Variants in CYP24A1 observed in about 807,000 individuals in gnomAD.
The protein encoded by CYP24A1 is cytochrome P450 family 24 subfamily A member 1, also known as 1,25-dihydroxyvitamin D(3) 24-hydroxylase, mitochondrial.
In CYP24A1, 68 loss-of-function variants were observed where a neutral mutation model predicts 62.4. The ratio of observed to expected loss-of-function variants is 1.09; its 90% CI spans 0.90 to 1.33. CYP24A1 has a LOEUF of 1.33. CYP24A1 is among the 40% of genes most tolerant of loss of function. CYP24A1 has a pLI of 0.00. For synonymous variants in CYP24A1, 267 were observed against 253.0 expected (o/e 1.06, Z -0.52); for missense variants, 787 against 653.0 (o/e 1.21, Z -2.24).
intron 8 of CYP24A1, 97 bp downstream of exon 8, chr20:54,158,860 G>T (rs1300011250): frequency 6.3e-7 from 1 of 1,597,390 alleles, no homozygotes; most frequent in Non-Finnish European, 8.5e-7. Flanking sequence ...TTTCTAATTA[G>T]CTAGGGGAAG....
Position 54,162,220 on chromosome 20 carries a change from C to CTTTTTTTTTTT in CYP24A1, c.990+486_990+496dup, listed in dbSNP as rs530338632. 8.3e-5 allele frequency among the ~76,000 whole-genome samples: 6 copies of CTTTTTTTTTTT among 72,532 alleles called. 1 individual carries two copies. Among genetic ancestry groups the CTTTTTTTTTTT allele is most frequent in the African/African-American group, 3.8e-4 (6 of 15,854 alleles). The allele number at this position is 72,532 out of a possible 152,430, so 47.6% of individuals were successfully genotyped here. The stretch of plus-strand genomic sequence containing the variant: ...ATTATTGGCTTGAAAGAGAGTATGC[C>CTTTTTTTTTTT]TTTTTTTTTTTTTTTTTTTTTTTTT... On this transcript the variant is annotated intron_variant, in intron 7 of 11. Coordinates refer to ENST00000216862, the MANE Select transcript of CYP24A1 (RefSeq NM_000782.5).
At position 54,173,464 on chromosome 20, in the gene CYP24A1, C is replaced by A; in HGVS notation, c.116G>T (p.Arg39Leu). Residue 39 changes from arginine to leucine, a missense_variant, in exon 1 of 12, where the codon CGA becomes CTA. Coordinates refer to ENST00000216862, the MANE Select transcript of CYP24A1 (RefSeq NM_000782.5). The surrounding 1 kb of genome is among the most constrained non-coding windows in gnomAD (Gnocchi z 7.2). Reference sequence around the variant, plus strand: ...TGTCAGCGGGCAGACTGGCACCTCTCGCGGCTGAGGGGACGTGTACGCCGT... The same window carrying A: ...TGTCAGCGGGCAGACTGGCACCTCTAGCGGCTGAGGGGACGTGTACGCCGT... ...TSTAYTSPQP[R>L]EVPVCPLTAG... The A allele has an allele frequency of 1.9e-6, 3 of 1,566,868 alleles. No homozygotes were observed. Among genetic ancestry groups the A allele is most frequent in the South Asian group, 1.2e-5 (1 of 85,480 alleles).
At chr20:54,151,837 T>C (rs938204669), downstream of CYP24A1, among the ~76,000 whole-genome samples, 31 of 152,190 alleles carry the variant, frequency 2.0e-4, no homozygotes, top group Admixed American at 1.8e-3. Context: ...CTAACTGTGA[T>C]TCTAAGGAGA....
chr20:54,144,292 C>T, the CYP24A1 span, among the ~76,000 whole-genome samples: 1,644 of 151,824 alleles, frequency 0.011, 33 homozygotes, highest in African/African-American at 0.037. Flanking sequence ...CTCACTGTAG[C>T]CTCAAACTCC....
At chr20:54,162,478 C>A in intron 7 of CYP24A1, 1 of 281,972 alleles carries the variant, frequency 3.5e-6, no homozygotes, top group Non-Finnish European at 6.1e-6. Flanking sequence ...AGAGTTTAAG[C>A]ACAGAAGCCC....
In CYP24A1 at chr20:54,173,290, GGA is replaced by G. The variant is rs1183189130; in HGVS notation, c.258+30_258+31del. ...CGCCACTGGGAGGGCGGAAGAGGGAGGAGAGAGTCAGGGGCGCGAAAAGGGGT... is the reference window on the plus strand; with the variant it reads ...CGCCACTGGGAGGGCGGAAGAGGGAGGAGAGTCAGGGGCGCGAAAAGGGGT... On this transcript the variant is annotated intron_variant, in intron 1 of 11. Transcript: ENST00000216862. This position sits in a 1 kb window ranked among gnomAD's most constrained non-coding sequence, Gnocchi z 7.2. 3 of 1,593,116 alleles carry G rather than the reference GGA, an allele frequency of 1.9e-6. No homozygotes were observed. The African/African-American group carries it at 4.0e-5, about 21-fold the overall frequency.
Position 54,153,516 on chromosome 20 carries a change from G to C in CYP24A1, c.*1256C>G, listed in dbSNP as rs111801935. 2.5e-4 allele frequency: 10 copies of C among 40,554 alleles called. No individual in the cohort carries two copies. The highest frequency in any genetic ancestry group is 8.1e-5 in the Non-Finnish European group (2 of 24,788). 2.5% of individuals were successfully genotyped at this position (40,554 alleles called of 1,614,324 possible). On this transcript the variant is annotated 3_prime_UTR_variant, in exon 12 of 12. Coordinates refer to ENST00000216862, the MANE Select transcript of CYP24A1 (RefSeq NM_000782.5). ...GTATACAGATGAAATCTGACAAGAC[G>C]TGAATTTATAATTCTAAAAATAATT...
intron 7 of CYP24A1, among the ~76,000 whole-genome samples, chr20:54,160,755 C>T (rs113157300): frequency 0.011 from 1,692 of 152,280 alleles, 31 homozygotes; most frequent in African/African-American, 0.038. Context: ...AGTCCCTCAC[C>T]GCAAGTACCA....
chr20:54,158,846 A>G, intron 8 of CYP24A1, 111 bp downstream of exon 8: 1 of 1,573,820 alleles, frequency 6.4e-7, no homozygotes. Flanking sequence ...CAGTGTGATA[A>G]TTGTTTCTAA....
chr20:54,146,701 C>T, the CYP24A1 span, among the ~76,000 whole-genome samples: 1 of 152,104 alleles, frequency 6.6e-6, no homozygotes, highest in Non-Finnish European at 1.5e-5. Flanking sequence ...ATATTGCACA[C>T]CCAGTTTTAT....
downstream of CYP24A1, among the ~76,000 whole-genome samples, chr20:54,148,867 G>A (rs924956252): frequency 4.6e-5 from 7 of 152,130 alleles, no homozygotes; most frequent in African/African-American, 1.7e-4. Flanking sequence ...AGCACTTTGG[G>A]AGGCCGATGT....
At chr20:54,149,589 G>C (rs1168041729), downstream of CYP24A1, among the ~76,000 whole-genome samples, 1 of 152,168 alleles carries the variant, frequency 6.6e-6, no homozygotes, top group Non-Finnish European at 1.5e-5. Context: ...ATTCCTCAAC[G>C]TTTGTAGCAG....
chr20:54,162,018 T>C (rs2146477771), intron 7 of CYP24A1, among the ~76,000 whole-genome samples: 1 of 152,312 alleles, frequency 6.6e-6, no homozygotes, highest in Admixed American at 6.5e-5. Context: ...CCTACCTGAA[T>C]GCCTATGGCA....
chr20:54,173,071 A>G lies in CYP24A1; in HGVS notation c.287T>C (p.Ile96Thr). The G allele has an allele frequency of 6.2e-7, 1 of 1,605,122 alleles. No homozygotes were observed. The highest frequency in any genetic ancestry group is 1.1e-5 in the South Asian group (1 of 91,068). ...AAAGGAACCCAACTTCATGCGGAAA[A>G]TCTTGCCATACTTCTTGTGGTACTC... is the stretch of plus-strand genomic sequence containing the variant. ...LVEYHKKYGK[I>T]FRMKLGSFES... The change falls in exon 2 of 12, where the codon ATT becomes ACT. Residue 96 changes from isoleucine to threonine, a missense_variant. Physicochemically the swap from Ile to Thr is moderately conservative, Grantham distance 89 (BLOSUM62 -1). Transcript: ENST00000216862. The surrounding 1 kb of genome is among the most constrained non-coding windows in gnomAD (Gnocchi z 7.2).
the CYP24A1 span, among the ~76,000 whole-genome samples, chr20:54,145,344 A>C: frequency 6.6e-6 from 1 of 152,016 alleles, no homozygotes; most frequent in Non-Finnish European, 1.5e-5. Flanking sequence ...CAGTGGAAGC[A>C]TACTTGTTTT....
At chr20:54,172,386 G>A (rs2762942) in intron 2 of CYP24A1, among the ~76,000 whole-genome samples, 146,366 of 152,308 alleles carry the variant, frequency 0.96, 70,377 homozygotes, top group East Asian at 1. Flanking sequence ...AGTAGCATTT[G>A]TCGACCTAAA....
intron 4 of CYP24A1, 121 bp downstream of exon 4, chr20:54,169,471 C>T (rs990235025): frequency 1.9e-6 from 3 of 1,555,856 alleles, no homozygotes; most frequent in Non-Finnish European, 2.6e-6. Context: ...ATTAAAAGGG[C>T]TGCTCTGGCC....
In CYP24A1 at chr20:54,172,988, C is replaced by T. The variant is rs760156921; in HGVS notation, c.370G>A (p.Ala124Thr). 37 of 1,612,644 alleles carry T rather than the reference C, an allele frequency of 2.3e-5. 1 individual carries two copies. The South Asian group carries it at 4.0e-4, about 17-fold the overall frequency. Residue 124 changes from alanine (A) to threonine (T), a missense_variant, in exon 2 of 12, where the codon GCG becomes ACG. By Grantham distance (58) the Ala-to-Thr change is moderately conservative. Coordinates refer to ENST00000216862, the MANE Select transcript of CYP24A1 (RefSeq NM_000782.5). ...TTGATCTCCAGCCGCTGCGGGTACG[C>T]GCTCTCGGTGCGGTACAGCGCTTCC... ...LLEALYRTESAYPQRLEIKPW... is the reference protein window; with the variant it reads ...LLEALYRTESTYPQRLEIKPW...
At chr20:54,171,436 T>A in intron 3 of CYP24A1, 141 bp downstream of exon 3, 1 of 1,527,964 alleles carries the variant, frequency 6.5e-7, no homozygotes, top group Non-Finnish European at 9.0e-7. Flanking sequence ...TAGGAAGGAA[T>A]GGAGAGAAAG....
Sources: gnomAD v4.1 joint callset for allele counts (sites outside exome capture counted in the v4.1 genomes callset) on GRCh38, gnomAD v4.1.1 for gene constraint, Gnocchi (gnomAD v3.1) non-coding constraint, MANE v1.5 for transcripts, NCBI Gene and HGNC (gene_info 2026-07-23, HGNC 2026-07-21) for gene names.